Variants in ITLN1 observed in about 807,000 individuals in gnomAD.
ITLN1 encodes the protein intelectin 1, also known as intelectin-1.
A neutral mutation model predicts 36.2 loss-of-function variants in ITLN1; 29 were observed. The ratio of observed to expected loss-of-function variants is 0.80; its 90% CI spans 0.60 to 1.09. ITLN1 has a LOEUF of 1.09. Among genes scored for constraint, ITLN1 ranks in the 50% least tolerant of loss-of-function variants. The pLI is 0.00. For synonymous variants in ITLN1, 143 were observed against 146.5 expected (o/e 0.98, Z 0.17); for missense variants, 358 against 405.2 (o/e 0.88, Z 1.00).
chr1:160,876,877 C>T lies in ITLN1; in HGVS notation c.790-61G>A, dbSNP rs909531402. ...GATCTGCCAGTGAGGCCAATGCCATCTTAACAGCTGAATCCAGTGATTTCT... is the reference window on the plus strand; with the variant it reads ...GATCTGCCAGTGAGGCCAATGCCATTTTAACAGCTGAATCCAGTGATTTCT... On this transcript the variant is annotated intron_variant, in intron 7 of 7. Coordinates refer to ENST00000326245, the MANE Select transcript of ITLN1 (RefSeq NM_017625.3). 25 of 1,527,752 alleles carry T rather than the reference C, an allele frequency of 1.6e-5. No homozygotes were observed. In the South Asian group the frequency reaches 2.8e-4, roughly 17 times the overall value. The allele number at this position is 1,527,752 out of a possible 1,614,324, so 94.6% of individuals were successfully genotyped here.
chr1:160,876,991 A>G (rs966207823), intron 7 of ITLN1, among the ~76,000 whole-genome samples, 175 bp from the exon 8 acceptor site: 1 of 152,208 alleles, frequency 6.6e-6, no homozygotes, highest in Non-Finnish European at 1.5e-5. Context: ...TAATCCCAGC[A>G]GTCTGGGAGG....
intron 4 of ITLN1, chr1:160,881,516 A>G: frequency 1.7e-6 from 1 of 577,612 alleles, no homozygotes; most frequent in Non-Finnish European, 2.8e-6. Flanking sequence ...TTGTGATTCA[A>G]AGTGTAAATT....
intron 4 of ITLN1, among the ~76,000 whole-genome samples, 153 bp downstream of exon 4, chr1:160,881,804 G>GA (rs56380748): frequency 0.081 from 10,050 of 124,452 alleles, 467 homozygotes; most frequent in African/African-American, 0.12. Flanking sequence ...TCCGTCTCAA[G>GA]AAAAAAAAAA....
At chr1:160,884,387 G>A (rs890526042) in intron 2 of ITLN1, among the ~76,000 whole-genome samples, 1 of 151,574 alleles carries the variant, frequency 6.6e-6, no homozygotes, top group Admixed American at 6.5e-5. Context: ...AAGATATTTC[G>A]AAACAGCCTT....
intron 7 of ITLN1, among the ~76,000 whole-genome samples, chr1:160,878,049 A>G (rs1184427846): frequency 2.0e-5 from 3 of 151,926 alleles, no homozygotes; most frequent in Non-Finnish European, 4.4e-5. Context: ...ATGCCTGTAA[A>G]CCCAGCTACT....
Position 160,880,649 on chromosome 1 carries a change from A to G in ITLN1, c.624T>C (p.Pro208=). The G allele has an allele frequency of 3.7e-6, 6 of 1,614,092 alleles. No individual in the cohort carries two copies. The highest frequency in any genetic ancestry group is 5.1e-6 in the Non-Finnish European group (6 of 1,179,954). The stretch of plus-strand genomic sequence containing the variant: ...GGGCGTCGCCAAAATCATAGACCAC[A>G]GGGATCACCGGGCCGTTGTCAGTCC... ...KCWTDNGPVI[P]VVYDFGDAQK... Residue 208 remains proline, a synonymous_variant, in exon 6 of 8, where the codon CCT becomes CCC. Coordinates refer to ENST00000326245, the MANE Select transcript of ITLN1 (RefSeq NM_017625.3).
At chr1:160,880,854 T>A in intron 5 of ITLN1, 146 bp from the exon 6 acceptor site, 1 of 1,031,586 alleles carries the variant, frequency 9.7e-7, no homozygotes. Context: ...TAAGAATCTT[T>A]CCATGACACT....
intron 4 of ITLN1, 47 bp downstream of exon 4, chr1:160,881,910 C>T (rs1416039847): frequency 1.4e-5 from 22 of 1,613,778 alleles, no homozygotes; most frequent in African/African-American, 8.0e-5. Context: ...TGGCCAGCCA[C>T]ACTCCACTCC....
intron 2 of ITLN1, among the ~76,000 whole-genome samples, 176 bp from the exon 3 acceptor site, chr1:160,883,702 C>T (rs559039221): frequency 2.6e-4 from 40 of 152,260 alleles, no homozygotes; most frequent in Non-Finnish European, 4.9e-4. Flanking sequence ...CCACTCAGCC[C>T]ATCGGCATCA....
In ITLN1 at chr1:160,879,325, A is replaced by C. The variant is rs1444796286; in HGVS notation, c.775T>G (p.Cys259Gly). Residue 259 changes from cysteine (C) to glycine (G), a missense_variant, in exon 7 of 8, where the codon TGT (cysteine) becomes GGT (glycine). Physicochemically the swap from Cys to Gly is radical, Grantham distance 159 (BLOSUM62 -3). Transcript: ENST00000326245. ...CAGAGACTCACGTGCTCAGTGTTAC[A>C]TCCGGTGACCCTCATTCCAGCACAC... ...ALCAGMRVTG[C>G]NTEHHCIGGG... is the part of the protein sequence containing the mutation. 1 of 1,613,742 alleles carries C rather than the reference A, an allele frequency of 6.2e-7. No individual in the cohort carries two copies. Among genetic ancestry groups the C allele is most frequent in the Non-Finnish European group, 8.5e-7 (1 of 1,179,810 alleles).
In ITLN1 at chr1:160,884,871, G is replaced by C; in HGVS notation, c.7C>G (p.Gln3Glu). 2 of 1,612,258 alleles carry C rather than the reference G, an allele frequency of 1.2e-6. No individual in the cohort carries two copies. Among genetic ancestry groups the C allele is most frequent in the Non-Finnish European group, 1.7e-6 (2 of 1,178,476 alleles). Residue 3 changes from glutamine (Q) to glutamate (E), a missense_variant, in exon 2 of 8, where the codon CAA becomes GAA. By Grantham distance (29) the Gln-to-Glu change is conservative. Transcript: ENST00000326245. ...ATGAGAAACAGCAGGAAGCTGAGTT[G>C]GTTCATTGTAATCTAAAGAAAGCAA... The part of the protein sequence containing the change: MN[Q>E]LSFLLFLIAT...
intron 4 of ITLN1, 131 bp from the exon 5 acceptor site, chr1:160,881,443 C>A: frequency 2.0e-6 from 2 of 1,008,124 alleles, no homozygotes; most frequent in Non-Finnish European, 2.8e-6. Flanking sequence ...CATACTCAGA[C>A]ACCCCACTCC....
At chr1:160,884,055 A>G (rs1168709538) in intron 2 of ITLN1, among the ~76,000 whole-genome samples, 1 of 152,196 alleles carries the variant, frequency 6.6e-6, no homozygotes, top group African/African-American at 2.4e-5. Context: ...CTTCCAGTCC[A>G]GGTGACATCT....
chr1:160,884,604 G>A (rs769150968), intron 2 of ITLN1, among the ~76,000 whole-genome samples: 3 of 152,060 alleles, frequency 2.0e-5, no homozygotes, highest in Non-Finnish European at 2.9e-5. Context: ...GCCCCCTCAG[G>A]GCCACACAAA....
At chr1:160,880,531 C>G (rs1316602197) in intron 6 of ITLN1, 57 bp downstream of exon 6, 3 of 1,578,442 alleles carry the variant, frequency 1.9e-6, no homozygotes, top group Non-Finnish European at 2.6e-6. Flanking sequence ...TGTTACCTAG[C>G]ATAGTTGAAT....
chr1:160,883,368 T>C, intron 3 of ITLN1, 60 bp downstream of exon 3: 1 of 1,139,406 alleles, frequency 8.8e-7, no homozygotes, highest in Non-Finnish European at 1.3e-6. Context: ...ACAAAAAGAC[T>C]CCCAGAAGAC....
chr1:160,878,434 G>T (rs1469053300), intron 7 of ITLN1, among the ~76,000 whole-genome samples: 1 of 148,496 alleles, frequency 6.7e-6, no homozygotes, highest in Non-Finnish European at 1.5e-5. Flanking sequence ...CACCCAGGTT[G>T]GAGTGCAGTG....
At chr1:160,884,944 C>T (rs1670735178) in intron 1 of ITLN1, 61 bp from the exon 2 acceptor site, 2 of 1,065,878 alleles carry the variant, frequency 1.9e-6, no homozygotes, top group Admixed American at 3.5e-5. Context: ...ATCCCTGCCC[C>T]ACCCCTGTCC....
Position 160,883,510 on chromosome 1 carries a change from G to A in ITLN1, c.75C>T (p.Tyr25=). ...RGWSTDEANT[Y]FKEWTCSSSP... is the part of the protein sequence containing the mutation. ...ACGAAGAACAGGTCCATTCCTTGAA[G>A]TAAGTATTAGCCTCATCTAGGGAAT... is the stretch of plus-strand genomic sequence containing the variant. Residue 25 remains tyrosine (Y), a synonymous_variant, in exon 3 of 8, where the codon TAC becomes TAT. Transcript: ENST00000326245. 1 of 1,611,490 alleles carries A rather than the reference G, an allele frequency of 6.2e-7. No homozygotes were observed. Among genetic ancestry groups the A allele is most frequent in the Non-Finnish European group, 8.5e-7 (1 of 1,177,726 alleles).
Sources: allele counts gnomAD v4.1 joint callset (sites outside exome capture counted in the v4.1 genomes callset), GRCh38; gene constraint gnomAD v4.1.1; transcripts MANE v1.5; gene names NCBI Gene and HGNC (gene_info 2026-07-23, HGNC 2026-07-21).